Variants in PLN observed in about 807,000 individuals in gnomAD.
PLN encodes cardiac phospholamban.
PLN carries 1 observed loss-of-function variant against 3.9 expected under a neutral mutation model. The ratio of observed to expected loss-of-function variants is 0.26; its 90% CI spans 0.09 to 1.23. The LOEUF (loss-of-function observed/expected upper bound fraction) is 1.23. Ranked by LOEUF, PLN falls within the 50% of genes most tolerant of loss-of-function variation. The pLI is 0.48. For synonymous variants in PLN, 21 were observed against 20.5 expected (o/e 1.02, Z -0.07); for missense variants, 59 against 62.7 (o/e 0.94, Z 0.20).
rs1779092004 is a variant in PLN at position 118,559,308 on chromosome 6, G to GA, written c.*228_*229insA. The GA allele has an allele frequency of 5.7e-6, 3 of 527,990 alleles. No homozygotes were observed. Among genetic ancestry groups the GA allele is most frequent in the Non-Finnish European group, 1.1e-5 (3 of 284,116 alleles). The allele number at this position is 527,990 out of a possible 1,614,324, so 32.7% of individuals were successfully genotyped here. On this transcript the variant is annotated 3_prime_UTR_variant, in exon 2 of 2. Transcript: ENST00000357525. ...TTTTCAAAAATTAACTTCAAAATAA[G>GA]TGTATAAAATGCAACTGTTGATTTC...
intron 1 of PLN, among the ~76,000 whole-genome samples, chr6:118,553,602 A>C (rs1778678147): frequency 6.6e-6 from 1 of 152,242 alleles, no homozygotes; most frequent in South Asian, 2.1e-4. Context: ...GGATTATGGC[A>C]TATTTCTAAA....
chr6:118,555,966 G>A (rs759620299), intron 1 of PLN, among the ~76,000 whole-genome samples: 20 of 152,110 alleles, frequency 1.3e-4, no homozygotes, highest in African/African-American at 3.9e-4. Flanking sequence ...CCATGTTCCC[G>A]CAAAAGACAT....
At position 118,559,094 on chromosome 6, in the gene PLN, C is replaced by A; in HGVS notation, c.*14C>A. 1 of 1,599,186 alleles carries A rather than the reference C, an allele frequency of 6.3e-7. No individual in the cohort carries two copies. The highest frequency in any genetic ancestry group is 8.6e-7 in the Non-Finnish European group (1 of 1,166,416). ...ATGCTTCTCTGAAGTTCTGCTACAA[C>A]CTCTAGATCTGCAGCTTGCCACATC... On this transcript the variant is annotated 3_prime_UTR_variant, in exon 2 of 2. Coordinates refer to ENST00000357525, the MANE Select transcript of PLN (RefSeq NM_002667.5).
chr6:118,558,732 C>T (rs1771807146), intron 1 of PLN, 93 bp from the exon 2 acceptor site: 2 of 615,710 alleles, frequency 3.2e-6, no homozygotes, highest in Non-Finnish European at 5.8e-6. Flanking sequence ...AACAATAGTG[C>T]TGAGGAAGAT....
In PLN at chr6:118,560,471, G is replaced by GTTTC. The variant is rs1287374984; in HGVS notation, c.*1391_*1392insTTTC. On this transcript the variant is annotated 3_prime_UTR_variant, in exon 2 of 2. Transcript: ENST00000357525. Reference sequence around the variant, plus strand: ...TCTTCACATTGAGTAGGCAGAGGAGGAGAAAGATGGGGAGGAAGAGAAGGC... The same window carrying GTTTC: ...TCTTCACATTGAGTAGGCAGAGGAGGTTTCAGAAAGATGGGGAGGAAGAGAAGGC... 8 of 167,034 alleles carry GTTTC rather than the reference G, an allele frequency of 4.8e-5. No individual in the cohort carries two copies. The highest frequency in any genetic ancestry group is 1.0e-4 in the Non-Finnish European group (7 of 68,130). The allele number at this position is 167,034 out of a possible 1,614,324, so 10.3% of individuals were successfully genotyped here. A position where few individuals can be genotyped will look rare whatever the true frequency, so the allele number is the denominator to read the frequency against.
chr6:118,551,842 G>C (rs776772392), intron 1 of PLN, among the ~76,000 whole-genome samples: 1 of 151,980 alleles, frequency 6.6e-6, no homozygotes, highest in Non-Finnish European at 1.5e-5. Context: ...TCCAAGTTTA[G>C]TATTAGGCAA....
rs141492235 is a variant in PLN, at chr6:118,556,321, T to A, written c.-97-2504T>A. Among the ~76,000 whole-genome samples the A allele has an allele frequency of 2.4e-3, 369 of 152,292 alleles. 1 individual carries two copies. The highest frequency in any genetic ancestry group is 8.5e-3 in the African/African-American group (353 of 41,566). ...AAAATACAGGTAGTTAATAACTCTT[T>A]AAGGAAAGAAAATTTGATAGAAGTT... is the stretch of plus-strand genomic sequence containing the variant. On this transcript the variant is annotated intron_variant, in intron 1 of 1. Transcript: ENST00000357525.
chr6:118,551,522 T>C (rs984127240), intron 1 of PLN, among the ~76,000 whole-genome samples: 37 of 151,938 alleles, frequency 2.4e-4, no homozygotes, highest in Admixed American at 1.2e-3. Context: ...TAAAGCATTG[T>C]TTCAATATTT....
At chr6:118,556,611 T>TAAC (rs968447876) in intron 1 of PLN, among the ~76,000 whole-genome samples, 1 of 152,176 alleles carries the variant, frequency 6.6e-6, no homozygotes, top group Non-Finnish European at 1.5e-5. Context: ...AGGAATGGGC[T>TAAC]AACAGGTTGA....
intron 1 of PLN, among the ~76,000 whole-genome samples, chr6:118,552,288 C>T (rs917917348): frequency 2.6e-5 from 4 of 151,902 alleles, no homozygotes; most frequent in Admixed American, 1.3e-4. Context: ...AGGAATACCA[C>T]CAAAAATACT....
At chr6:118,549,276 AT>A (rs1778394553) in intron 1 of PLN, among the ~76,000 whole-genome samples, 1 of 151,744 alleles carries the variant, frequency 6.6e-6, no homozygotes, top group South Asian at 2.1e-4. Flanking sequence ...CCTCTCTCGG[AT>A]TTAGAAAGAA....
chr6:118,551,814 G>GT (rs1778563491), intron 1 of PLN, among the ~76,000 whole-genome samples: 1 of 151,986 alleles, frequency 6.6e-6, no homozygotes, highest in Non-Finnish European at 1.5e-5. Context: ...CTACCACAAA[G>GT]TAACTTCAAA....
intron 1 of PLN, among the ~76,000 whole-genome samples, chr6:118,557,310 TCAAAC>T (rs1778935248): frequency 6.6e-6 from 1 of 152,218 alleles, no homozygotes; most frequent in African/African-American, 2.4e-5. Flanking sequence ...CAGTGACTGA[TCAAAC>T]CAATTACATC....
chr6:118,561,523 T>C lies in PLN; in HGVS notation c.*2443T>C, dbSNP rs1779223279. Among the ~76,000 whole-genome samples the C allele has an allele frequency of 6.6e-6, 1 of 152,054 alleles. No individual in the cohort carries two copies. The highest frequency in any genetic ancestry group is 2.4e-5 in the African/African-American group (1 of 41,454). On this transcript the variant is annotated 3_prime_UTR_variant, in exon 2 of 2. Transcript: ENST00000357525. ...AAGAATAAGATATAAGAAAACAATT[T>C]ATTTTTAAAATTTAATATACTAAAT... is the stretch of plus-strand genomic sequence containing the variant.
In PLN at chr6:118,552,495, G is replaced by A. The variant is rs568201430; in HGVS notation, c.-98+4103G>A. ...TTACATTGCTAAAACAGGACTCACT[G>A]CAGACAAAGTAAGGACTCCTGAAGG... On this transcript the variant is annotated intron_variant, in intron 1 of 1. Transcript: ENST00000357525. Among the ~76,000 whole-genome samples, 15 of 152,096 alleles carry A rather than the reference G, an allele frequency of 9.9e-5. No individual in the cohort carries two copies. The South Asian group carries it at 1.0e-3, about 11-fold the overall frequency.
chr6:118,558,684 G>A (rs1583046557), intron 1 of PLN, 141 bp from the exon 2 acceptor site: 1 of 526,536 alleles, frequency 1.9e-6, no homozygotes, highest in South Asian at 2.1e-5. Context: ...GAGAGAGAGA[G>A]AGAGGGAGAG....
At position 118,561,132 on chromosome 6, in the gene PLN, C is replaced by A. The variant is rs919268332; in HGVS notation, c.*2052C>A. On this transcript the variant is annotated 3_prime_UTR_variant, in exon 2 of 2. Transcript: ENST00000357525. Reference sequence around the variant, plus strand: ...TGGAAAGTGTTTGGTTCAGGGATATCTGAAGAACAGAAGGGCAGAGATTTC... The same window carrying A: ...TGGAAAGTGTTTGGTTCAGGGATATATGAAGAACAGAAGGGCAGAGATTTC... 4.6e-5 allele frequency among the ~76,000 whole-genome samples: 7 copies of A among 152,136 alleles called. No homozygotes were observed. Among genetic ancestry groups the A allele is most frequent in the African/African-American group, 1.7e-4 (7 of 41,420 alleles).
At position 118,551,328 on chromosome 6, in the gene PLN, G is replaced by A. The variant is rs74376967; in HGVS notation, c.-98+2936G>A. On this transcript the variant is annotated intron_variant, in intron 1 of 1. Transcript: ENST00000357525. The stretch of plus-strand genomic sequence containing the variant: ...CTTTAGTTTTCAACCCCCAACCCCC[G>A]CACAAAAAAAAAGGTTGACTAACTC... 1.2e-3 allele frequency among the ~76,000 whole-genome samples: 182 copies of A among 150,896 alleles called. 1 individual carries two copies. Among genetic ancestry groups the A allele is most frequent in the African/African-American group, 3.8e-3 (158 of 41,216 alleles).
At chr6:118,555,179 C>A (rs1364940209) in intron 1 of PLN, among the ~76,000 whole-genome samples, 1 of 152,190 alleles carries the variant, frequency 6.6e-6, no homozygotes, top group Non-Finnish European at 1.5e-5. Flanking sequence ...CGCCTGCAAT[C>A]CCAGCACTTT....
Sources: gnomAD v4.1 joint callset for allele counts (sites outside exome capture counted in the v4.1 genomes callset) on GRCh38, gnomAD v4.1.1 for gene constraint, MANE v1.5 for transcripts, NCBI Gene and HGNC (gene_info 2026-07-23, HGNC 2026-07-21) for gene names.